ELOVL4: variants seen among roughly 807,000 people sequenced by gnomAD.
The protein encoded by ELOVL4 is ELOVL fatty acid elongase 4, also known as very long chain fatty acid elongase 4.
Under a neutral mutation model 42.1 loss-of-function variants are expected in ELOVL4, and 18 were observed. The observed-to-expected ratio is 0.43, with a 90% CI of 0.30 to 0.63. The LOEUF (loss-of-function observed/expected upper bound fraction) is 0.63, where lower values mean the gene tolerates loss of function less well. Among genes scored for constraint, ELOVL4 ranks in the 30% least tolerant of loss-of-function variants. ELOVL4 has a pLI of 0.15. For missense variants in ELOVL4, 299 were observed against 376.2 expected (o/e 0.79, Z 1.70); for synonymous variants, 117 against 127.0 (o/e 0.92, Z 0.53).
chr6:79,946,200 G>A (rs1245659424), intron 1 of ELOVL4, among the ~76,000 whole-genome samples: 2 of 152,176 alleles, frequency 1.3e-5, no homozygotes, highest in South Asian at 4.1e-4. Flanking sequence ...AATTGACCTC[G>A]TAAAATCATT....
intron 1 of ELOVL4, among the ~76,000 whole-genome samples, chr6:79,933,007 A>C (rs1774476150): frequency 6.6e-6 from 1 of 152,204 alleles, no homozygotes; most frequent in Non-Finnish European, 1.5e-5. Context: ...GATATAAGCA[A>C]ATGAGAATAT....
intron 1 of ELOVL4, among the ~76,000 whole-genome samples, chr6:79,943,681 A>G (rs1395112330): frequency 6.6e-6 from 1 of 152,132 alleles, no homozygotes; most frequent in Non-Finnish European, 1.5e-5. Context: ...AAGATGCATG[A>G]GGGCAGTGAC....
At chr6:79,947,122 A>G in intron 1 of ELOVL4, 58 bp downstream of exon 1, 1 of 1,402,992 alleles carries the variant, frequency 7.1e-7, no homozygotes, top group Non-Finnish European at 9.9e-7. Context: ...CTGCGAGACC[A>G]GGGGCCGGTG....
At chr6:79,919,681 A>G in intron 4 of ELOVL4, 134 bp from the exon 5 acceptor site, 1 of 794,332 alleles carries the variant, frequency 1.3e-6, no homozygotes, top group Non-Finnish European at 1.9e-6. Flanking sequence ...TGAAAAATAT[A>G]AAGTAGTACT....
intron 3 of ELOVL4, among the ~76,000 whole-genome samples, chr6:79,923,941 C>T (rs1232884470): frequency 6.6e-6 from 1 of 151,994 alleles, no homozygotes; most frequent in Non-Finnish European, 1.5e-5. Flanking sequence ...CTCCCCATGC[C>T]AGGAAACTAT....
At chr6:79,923,841 G>A (rs1035746737) in intron 3 of ELOVL4, among the ~76,000 whole-genome samples, 5 of 151,956 alleles carry the variant, frequency 3.3e-5, no homozygotes, top group African/African-American at 1.2e-4. Flanking sequence ...CTTCTAATAG[G>A]GAAATGAAGA....
intron 5 of ELOVL4, among the ~76,000 whole-genome samples, chr6:79,917,120 G>A (rs746691080): frequency 7.1e-5 from 10 of 141,828 alleles, no homozygotes; most frequent in Non-Finnish European, 1.2e-4. Context: ...ATTAACCAAA[G>A]AGCTTTCTGC....
At chr6:79,927,657 A>C (rs1048698934) in intron 1 of ELOVL4, among the ~76,000 whole-genome samples, 2 of 152,196 alleles carry the variant, frequency 1.3e-5, no homozygotes, top group African/African-American at 4.8e-5. Flanking sequence ...GTTTTAATGA[A>C]ATCAGAGTTG....
intron 1 of ELOVL4, among the ~76,000 whole-genome samples, chr6:79,940,279 A>G (rs933316374): frequency 5.3e-5 from 8 of 152,200 alleles, no homozygotes; most frequent in African/African-American, 1.9e-4. Context: ...TTACTCTAAT[A>G]CAATATAATC....
intron 1 of ELOVL4, among the ~76,000 whole-genome samples, chr6:79,943,470 A>G (rs774827292): frequency 6.6e-6 from 1 of 152,196 alleles, no homozygotes; most frequent in Non-Finnish European, 1.5e-5. Context: ...GGTAGAGGGA[A>G]GTAAACTGTG....
chr6:79,943,770 A>T (rs1007188455), intron 1 of ELOVL4, among the ~76,000 whole-genome samples: 1 of 152,276 alleles, frequency 6.6e-6, no homozygotes, highest in Admixed American at 6.5e-5. Context: ...ATGGTATCAT[A>T]AGCCTGGCTT....
chr6:79,921,584 A>G (rs772540649), intron 4 of ELOVL4, 41 bp downstream of exon 4: 1 of 1,592,628 alleles, frequency 6.3e-7, no homozygotes, highest in Admixed American at 1.7e-5. Flanking sequence ...GAACACATAT[A>G]TGCAATTAAA....
intron 3 of ELOVL4, among the ~76,000 whole-genome samples, chr6:79,923,839 A>C (rs1774298744): frequency 6.6e-6 from 1 of 152,196 alleles, no homozygotes; most frequent in Non-Finnish European, 1.5e-5. Flanking sequence ...GTCTTCTAAT[A>C]GGGAAATGAA....
rs542358312 is a variant in ELOVL4, at chr6:79,933,800, A to C, written c.101-7419T>G. Among the ~76,000 whole-genome samples, 9 of 152,304 alleles carry C rather than the reference A, an allele frequency of 5.9e-5. No individual in the cohort carries two copies. In the East Asian group the frequency reaches 1.7e-3, roughly 29 times the overall value. ...GCAGACTTGGAGACCACTAGGACAT[A>C]AGAGATGATGGAAACCTGGGTTAGG... On this transcript the variant is annotated intron_variant, in intron 1 of 5. Transcript: ENST00000369816.
At chr6:79,919,380 A>G in intron 5 of ELOVL4, 40 bp downstream of exon 5, 1 of 1,606,114 alleles carries the variant, frequency 6.2e-7, no homozygotes, top group Non-Finnish European at 8.5e-7. Context: ...AAACAATTTC[A>G]GTATTTTACC....
intron 1 of ELOVL4, 83 bp downstream of exon 1, chr6:79,947,097 G>A (rs2127703494): frequency 8.5e-7 from 1 of 1,177,620 alleles, no homozygotes; most frequent in Admixed American, 2.0e-5. Context: ...GGGCCTGTGG[G>A]GCCGGGCCCG....
At chr6:79,939,702 T>A (rs1774610507) in intron 1 of ELOVL4, among the ~76,000 whole-genome samples, 1 of 151,934 alleles carries the variant, frequency 6.6e-6, no homozygotes, top group Non-Finnish European at 1.5e-5. Flanking sequence ...TTTTAATATT[T>A]TTTTGTTGCT....
Position 79,916,759 on chromosome 6 carries a change from A to C in ELOVL4, c.794T>G (p.Phe265Cys). The change falls in exon 6 of 6, where the codon TTC becomes TGC. Residue 265 changes from phenylalanine to cysteine, a missense_variant. Physicochemically the swap from Phe to Cys is radical, Grantham distance 205. Coordinates refer to ENST00000369816, the MANE Select transcript of ELOVL4 (RefSeq NM_022726.4). Reference protein sequence around the residue: ...AISFIFLFLNFYIRTYKEPKK... With the variant: ...AISFIFLFLNCYIRTYKEPKK... ...AGGCTCTTTGTATGTCCGAATGTAG[A>C]AGTTAAGAAAGAGAAATATGAAGCT... The C allele has an allele frequency of 6.2e-7, 1 of 1,614,154 alleles. No homozygotes were observed. Among genetic ancestry groups the C allele is most frequent in the Non-Finnish European group, 8.5e-7 (1 of 1,180,028 alleles).
At chr6:79,944,987 C>CAAAA (rs200726708) in intron 1 of ELOVL4, among the ~76,000 whole-genome samples, 27 of 92,990 alleles carry the variant, frequency 2.9e-4, no homozygotes, top group African/African-American at 6.6e-4. Context: ...TGAATGAGTC[C>CAAAA]AAAAAAAAAA....
Sources: allele counts gnomAD v4.1 joint callset (sites outside exome capture counted in the v4.1 genomes callset), GRCh38; gene constraint gnomAD v4.1.1; transcripts MANE v1.5; gene names NCBI Gene and HGNC (gene_info 2026-07-23, HGNC 2026-07-21).